The following PCDHGA3 variants were observed in gnomAD, a reference collection of about 807,000 sequenced individuals.
PCDHGA3 encodes the protein protocadherin gamma subfamily A, 3.
A neutral mutation model predicts 58.5 loss-of-function variants in PCDHGA3; 40 were observed. The ratio of observed to expected loss-of-function variants is 0.68; its 90% confidence interval spans 0.53 to 0.89. The LOEUF (loss-of-function observed/expected upper bound fraction) is 0.89. PCDHGA3 is among the 40% of genes least tolerant of loss of function. The pLI is 0.00. For synonymous variants in PCDHGA3, 530 were observed against 525.7 expected (o/e 1.01, Z -0.11); for missense variants, 1,223 against 1,195.9 (o/e 1.02, Z -0.33).
At chr5:141,437,741 CTT>C (rs35124340) in intron 1 of PCDHGA3, among the ~76,000 whole-genome samples, 17 of 141,612 alleles carry the variant, frequency 1.2e-4, no homozygotes, top group Admixed American at 2.1e-4. Flanking sequence ...TTGAGTTCAC[CTT>C]TTTTTTTTTT....
Position 141,493,775 on chromosome 5 carries a change from G to A in PCDHGA3, c.2425-1032G>A, listed in dbSNP as rs1434978072. ...CCTTGAGTGAGCCACTGGCAGTTCCGGAGCTTCCTTCTCCCTGGAGTAATC... is the reference window on the plus strand; with the variant it reads ...CCTTGAGTGAGCCACTGGCAGTTCCAGAGCTTCCTTCTCCCTGGAGTAATC... On this transcript the variant is annotated intron_variant, in intron 1 of 3. Coordinates refer to ENST00000253812, the MANE Select transcript of PCDHGA3 (RefSeq NM_018916.4). The surrounding 1 kb of genome is among the most constrained non-coding windows in gnomAD (Gnocchi z 4.3). Among the ~76,000 whole-genome samples, 1 of 152,094 alleles carries A rather than the reference G, an allele frequency of 6.6e-6. No individual in the cohort carries two copies. The highest frequency in any genetic ancestry group is 6.5e-5 in the Admixed American group (1 of 15,272).
rs367651596 is a variant in PCDHGA3, at chr5:141,393,468, A to G, written c.2424+47011A>G. 1.1e-5 allele frequency: 18 copies of G among 1,613,922 alleles called. No individual in the cohort carries two copies. The highest frequency in any genetic ancestry group is 8.0e-5 in the African/African-American group (6 of 74,958). ...GGTCCTCACGGCCTCGGATGGCGGC[A>G]AGCCGCCTCGCTCTAGCACAGTGCG... On this transcript the variant is annotated intron_variant, in intron 1 of 3. Coordinates refer to ENST00000253812, the MANE Select transcript of PCDHGA3 (RefSeq NM_018916.4).
intron 1 of PCDHGA3, chr5:141,372,627 G>A (rs2150009906): frequency 3.1e-6 from 5 of 1,613,974 alleles, no homozygotes; most frequent in Admixed American, 1.7e-5. Context: ...CACCTACAGC[G>A]AAAGGACTTT....
chr5:141,399,612 G>A (rs1191904235), intron 1 of PCDHGA3: 1 of 1,613,812 alleles, frequency 6.2e-7, no homozygotes, highest in African/African-American at 1.3e-5. Flanking sequence ...TAGAGCCTCT[G>A]GCACTGGCCT....
chr5:141,441,136 GA>G (rs1379465827), intron 1 of PCDHGA3: 2 of 152,304 alleles, frequency 1.3e-5, no homozygotes, highest in Middle Eastern at 3.4e-3. Flanking sequence ...CGAATTTCTA[GA>G]AGATAATGAC....
rs1009141449 is a variant in PCDHGA3, at chr5:141,491,922, G to A, written c.2425-2885G>A. 2 of 1,349,026 alleles carry A rather than the reference G, an allele frequency of 1.5e-6. No individual in the cohort carries two copies. Among genetic ancestry groups the A allele is most frequent in the African/African-American group, 1.5e-5 (1 of 67,598 alleles). The allele number at this position is 1,349,026 out of a possible 1,614,324, so 83.6% of individuals were successfully genotyped here. On this transcript the variant is annotated intron_variant, in intron 1 of 3. Coordinates refer to ENST00000253812, the MANE Select transcript of PCDHGA3 (RefSeq NM_018916.4). The surrounding 1 kb of genome is among the most constrained non-coding windows in gnomAD (Gnocchi z 6.9). ...CGGGGGTGGTGGCGACTGTGGGCGAGGGGAGGTGGGACCGACCCCCACCCC... is the reference window on the plus strand; with the variant it reads ...CGGGGGTGGTGGCGACTGTGGGCGAAGGGAGGTGGGACCGACCCCCACCCC...
Position 141,361,293 on chromosome 5 carries a change from GT to G in PCDHGA3, c.2424+14838del, listed in dbSNP as rs748961752. 9.3e-6 allele frequency: 15 copies of G among 1,614,018 alleles called. No homozygotes were observed. The Admixed American group carries it at 2.3e-4, about 25-fold the overall frequency. On this transcript the variant is annotated intron_variant, in intron 1 of 3. Coordinates refer to ENST00000253812, the MANE Select transcript of PCDHGA3 (RefSeq NM_018916.4). The stretch of plus-strand genomic sequence containing the variant: ...AAAATGGAGAAGTTTACTGCCAAGT[GT>G]TGGGAAATGCCAAGTTTATTTTGAA...
chr5:141,478,096 T>C (rs749277013), intron 1 of PCDHGA3: 1 of 1,614,074 alleles, frequency 6.2e-7, no homozygotes, highest in South Asian at 1.1e-5. Context: ...CCACCACTGC[T>C]ACCCTCACTG....
Position 141,405,226 on chromosome 5 carries a change from C to A in PCDHGA3, c.2424+58769C>A, listed in dbSNP as rs756970325. ...TACAGACCTATTCTCAGGAGTTCTCCCTCACCGCTGACTCAAGGAAGAGTC... is the reference window on the plus strand; with the variant it reads ...TACAGACCTATTCTCAGGAGTTCTCACTCACCGCTGACTCAAGGAAGAGTC... On this transcript the variant is annotated intron_variant, in intron 1 of 3. Coordinates refer to ENST00000253812, the MANE Select transcript of PCDHGA3 (RefSeq NM_018916.4). 3.1e-6 allele frequency: 5 copies of A among 1,614,052 alleles called. No individual in the cohort carries two copies. The East Asian group carries it at 1.1e-4, about 36-fold the overall frequency.
chr5:141,386,595 A>C (rs77368271), intron 1 of PCDHGA3, among the ~76,000 whole-genome samples: 1 of 146,110 alleles, frequency 6.8e-6, no homozygotes, highest in African/African-American at 2.5e-5. Context: ...TGGGGGATAC[A>C]TTTTTTTTTT....
At chr5:141,399,798 G>A in intron 1 of PCDHGA3, 1 of 1,613,236 alleles carries the variant, frequency 6.2e-7, no homozygotes. Context: ...ACGCACCGCG[G>A]GTGCTGTACC....
At chr5:141,404,947 T>G (rs561446437) in intron 1 of PCDHGA3, 9 of 1,613,826 alleles carry the variant, frequency 5.6e-6, no homozygotes, top group Non-Finnish European at 7.6e-6. Flanking sequence ...TAGCCATAGC[T>G]GACAGCATCC....
At chr5:141,484,009 TG>T (rs2099590446) in intron 1 of PCDHGA3, among the ~76,000 whole-genome samples, 1 of 14,098 alleles carries the variant, frequency 7.1e-5, no homozygotes, top group Admixed American at 8.3e-4. Context: ...TGGATGAGGG[TG>T]GGGGTGGGGT....
chr5:141,503,440 C>A (rs1185892958), intron 2 of PCDHGA3, among the ~76,000 whole-genome samples: 2 of 151,694 alleles, frequency 1.3e-5, no homozygotes, highest in African/African-American at 4.8e-5. Context: ...ACTAAAAATA[C>A]AAAAATTCGC....
rs371079504 is a variant in PCDHGA3, at chr5:141,422,041, G to C, written c.2425-72766G>C. 9 of 1,611,514 alleles carry C rather than the reference G, an allele frequency of 5.6e-6. No homozygotes were observed. The highest frequency in any genetic ancestry group is 5.9e-6 in the Non-Finnish European group (7 of 1,179,230). On this transcript the variant is annotated intron_variant, in intron 1 of 3. Transcript: ENST00000253812. ...GATGGTTAATGCAACGGATCCAGAC[G>C]AGGGAATCAACGGGGAAGTAATGTA...
chr5:141,417,599 C>G (rs1036283292), intron 1 of PCDHGA3: 4 of 500,492 alleles, frequency 8.0e-6, no homozygotes, highest in African/African-American at 7.8e-5. Flanking sequence ...CTCTGGGCGC[C>G]GCCGTCGGCC....
intron 1 of PCDHGA3, chr5:141,383,896 G>A: frequency 6.2e-7 from 1 of 1,613,960 alleles, no homozygotes; most frequent in Non-Finnish European, 8.5e-7. Flanking sequence ...AAAGGCAAAA[G>A]TACTGATCAC....
At chr5:141,374,816 C>T (rs771806207) in intron 1 of PCDHGA3, 1 of 1,613,964 alleles carries the variant, frequency 6.2e-7, no homozygotes, top group East Asian at 2.2e-5. Flanking sequence ...GTTTACTCAG[C>T]CTGTCTACCG....
intron 1 of PCDHGA3, chr5:141,357,723 T>TA: frequency 7.2e-6 from 10 of 1,391,112 alleles, no homozygotes; most frequent in Middle Eastern, 3.8e-4. Context: ...AAGTTGCCTC[T>TA]TTTAATATTT....
Sources: gnomAD v4.1 joint callset for allele counts (sites outside exome capture counted in the v4.1 genomes callset) on GRCh38, gnomAD v4.1.1 for gene constraint, Gnocchi (gnomAD v3.1) non-coding constraint, MANE v1.5 for transcripts, NCBI Gene and HGNC (gene_info 2026-07-23, HGNC 2026-07-21) for gene names.